FGF17: variants seen among roughly 807,000 people sequenced by gnomAD.
FGF17 encodes the protein fibroblast growth factor 17.
FGF17 carries 5 observed loss-of-function variants against 23.5 expected under a neutral mutation model. The ratio of observed to expected loss-of-function variants is 0.21; its 90% confidence interval spans 0.11 to 0.45. The LOEUF is 0.45. Among genes scored for constraint, FGF17 ranks in the 20% least tolerant of loss-of-function variants. The pLI, the probability that FGF17 is intolerant of heterozygous loss-of-function variation, is 0.99. For synonymous variants in FGF17, 136 were observed against 123.0 expected, an observed-to-expected ratio of 1.11 and a Z score of -0.70; for missense variants, 221 against 306.9, an observed-to-expected ratio of 0.72 and a Z score of 2.09.
At chr8:22,043,772 C>T (rs1333989922) in intron 2 of FGF17, among the ~76,000 whole-genome samples, 1 of 141,398 alleles carries the variant, frequency 7.1e-6, no homozygotes, top group Non-Finnish European at 1.5e-5. Context: ...TCCCTCCATG[C>T]ACACCTCCCA....
intron 3 of FGF17, 62 bp from the exon 4 acceptor site, chr8:22,046,465 T>G: frequency 1.4e-6 from 2 of 1,477,050 alleles, no homozygotes; most frequent in Non-Finnish European, 9.4e-7. Flanking sequence ...GGTGGTCCCC[T>G]GCTGTAGCCA....
In FGF17 at chr8:22,048,508, G is replaced by C. The variant is rs1280766567; in HGVS notation, c.*259G>C. ...CCCTGATCTCAGGCCACCAGCCTCT[G>C]CCGGCCTCCCAGCCGGGCTCCTGAA... On this transcript the variant is annotated 3_prime_UTR_variant, in exon 5 of 5. Transcript: ENST00000359441. The surrounding 1 kb of genome is among the most constrained non-coding windows in gnomAD (Gnocchi z 6.9). 2.0e-6 allele frequency: 1 copy of C among 499,888 alleles called. No individual in the cohort carries two copies. The highest frequency in any genetic ancestry group is 2.0e-5 in the African/African-American group (1 of 51,164). The allele number at this position is 499,888 out of a possible 1,614,324, so 31.0% of individuals were successfully genotyped here.
intron 2 of FGF17, chr8:22,044,549 C>G (rs1046299696): frequency 3.0e-6 from 1 of 329,626 alleles, no homozygotes; most frequent in African/African-American, 2.2e-5. Flanking sequence ...AGGAGGCCGT[C>G]GGCCAAGAGG....
At chr8:22,044,781 G>A in intron 2 of FGF17, 2 of 985,488 alleles carry the variant, frequency 2.0e-6, no homozygotes, top group Non-Finnish European at 2.4e-6. Flanking sequence ...CCCCGCGCAG[G>A]TTAAATGTCC....
At chr8:22,044,271 A>T (rs1464344709) in intron 2 of FGF17, among the ~76,000 whole-genome samples, 1 of 151,054 alleles carries the variant, frequency 6.6e-6, no homozygotes, top group Non-Finnish European at 1.5e-5. Context: ...GTGCCCCCTC[A>T]CCCCCCTGGG....
chr8:22,042,742 C>T (rs562116390), upstream of FGF17: 104 of 620,456 alleles, frequency 1.7e-4, 1 homozygote, highest in African/African-American at 1.7e-3. Flanking sequence ...CCCAATTACG[C>T]CCTCCTCCTC....
chr8:22,044,884 C>T, intron 2 of FGF17: 6 of 985,486 alleles, frequency 6.1e-6, no homozygotes, highest in Non-Finnish European at 7.2e-6. Flanking sequence ...AGATGCTAAT[C>T]TGGGTCTAGC....
upstream of FGF17, among the ~76,000 whole-genome samples, chr8:22,039,953 G>T (rs997018900): frequency 3.9e-5 from 6 of 152,104 alleles, no homozygotes; most frequent in African/African-American, 1.4e-4. Flanking sequence ...CAGCTGGGGG[G>T]TGTTGAACTT....
In FGF17 at chr8:22,048,037, G is replaced by A. The variant is rs759167317; in HGVS notation, c.439G>A (p.Glu147Lys). 1.7e-5 allele frequency: 27 copies of A among 1,613,058 alleles called. No individual in the cohort carries two copies. The highest frequency in any genetic ancestry group is 2.7e-5 in the African/African-American group (2 of 74,938). ...NYTAFQNARH[E>K]GWFMAFTRQG... is the part of the protein sequence containing the mutation. ...TACGGCCTTCCAGAACGCCCGGCAC[G>A]AGGGCTGGTTCATGGCCTTCACGCG... Residue 147 changes from glutamate (E) to lysine (K), a missense_variant, in exon 5 of 5, where the codon GAG becomes AAG. By Grantham distance (56) the Glu-to-Lys change is moderately conservative (BLOSUM62 1). This residue lies in a region of FGF17 where 128 missense variants were observed against 150.4 expected (regional missense o/e 0.85). Transcript: ENST00000359441. The surrounding 1 kb of genome is among the most constrained non-coding windows in gnomAD (Gnocchi z 6.9).
rs117539228 is a variant in FGF17, at chr8:22,044,062, C to T, written c.72+881C>T. Among the ~76,000 whole-genome samples the T allele has an allele frequency of 7.8e-3, 1,179 of 151,958 alleles. 9 individuals carry two copies. Among genetic ancestry groups the T allele is most frequent in the Non-Finnish European group, 0.012 (820 of 67,880 alleles). ...TTCCTTCCCCCTTTTGCTCCAGCCC[C>T]GTTCCAGGCCTTTTGCTTCACACAT... On this transcript the variant is annotated intron_variant, in intron 2 of 4. Coordinates refer to ENST00000359441, the MANE Select transcript of FGF17 (RefSeq NM_003867.4).
In FGF17 at chr8:22,046,646, G is replaced by C. The variant is rs1381174149; in HGVS notation, c.357+13G>C. On this transcript the variant is annotated intron_variant, in intron 4 of 4. Coordinates refer to ENST00000359441, the MANE Select transcript of FGF17 (RefSeq NM_003867.4). ...GCTCATCGGGAAGGTGAGGCTGGGA[G>C]ACTGGGAAGTAACAGAGAATCAGCC... The C allele has an allele frequency of 6.3e-7, 1 of 1,578,328 alleles. No homozygotes were observed.
At chr8:22,040,001 C>T (rs1800714967), upstream of FGF17, among the ~76,000 whole-genome samples, 1 of 152,134 alleles carries the variant, frequency 6.6e-6, no homozygotes, top group Non-Finnish European at 1.5e-5. Flanking sequence ...GCAGCCCAGG[C>T]TACTTCTCAG....
chr8:22,045,930 G>A (rs1800855355), intron 2 of FGF17, 184 bp from the exon 3 acceptor site: 1 of 1,504,796 alleles, frequency 6.6e-7, no homozygotes, highest in South Asian at 1.3e-5. Flanking sequence ...TAGACGCAAA[G>A]CAAAGAGGTT....
upstream of FGF17, among the ~76,000 whole-genome samples, chr8:22,040,181 A>G (rs1252806633): frequency 6.6e-6 from 1 of 152,260 alleles, no homozygotes. Context: ...TTCTTGTGGC[A>G]CTTGATGCGT....
In FGF17 at chr8:22,048,722, G is replaced by A. The variant is rs1202886714; in HGVS notation, c.*473G>A. On this transcript the variant is annotated 3_prime_UTR_variant, in exon 5 of 5. Coordinates refer to ENST00000359441, the MANE Select transcript of FGF17 (RefSeq NM_003867.4). This position sits in a 1 kb window ranked among gnomAD's most constrained non-coding sequence, Gnocchi z 6.9. ...AAAGAAAGGGAGAGAGAGGAAAATA[G>A]AGGGTTGTCCACTCCTCACATTCCA... The A allele has an allele frequency of 1.2e-5, 2 of 167,972 alleles. No individual in the cohort carries two copies. Among genetic ancestry groups the A allele is most frequent in the Non-Finnish European group, 2.5e-5 (2 of 78,452 alleles). 10.4% of individuals were successfully genotyped at this position (167,972 alleles called of 1,614,324 possible). A position where few individuals can be genotyped will look rare whatever the true frequency, so the allele number is the denominator to read the frequency against.
At chr8:22,047,021 A>C (rs1485936014) in intron 4 of FGF17, among the ~76,000 whole-genome samples, 1 of 144,344 alleles carries the variant, frequency 6.9e-6, no homozygotes, top group Non-Finnish European at 1.5e-5. Flanking sequence ...TCACGGGCTA[A>C]AGCGATCCTC....
intron 3 of FGF17, 81 bp from the exon 4 acceptor site, chr8:22,046,446 G>A (rs1800868728): frequency 7.0e-7 from 1 of 1,422,328 alleles, no homozygotes; most frequent in Non-Finnish European, 9.8e-7. Context: ...CTGGAGGTCA[G>A]TGTGGCTGGG....
intron 2 of FGF17, chr8:22,045,072 C>G (rs1410131677): frequency 1.1e-5 from 11 of 985,502 alleles, no homozygotes; most frequent in East Asian, 1.1e-4. Context: ...AAACCTAGCC[C>G]GGGTCGCACC....
Position 22,046,236 on chromosome 8 carries a change from C to A in FGF17, c.195C>A (p.His65Gln), listed in dbSNP as rs34862316. Reference protein sequence around the residue: ...YQLYSRTSGKHVQVTGRRISA... With the variant: ...YQLYSRTSGKQVQVTGRRISA... The stretch of plus-strand genomic sequence containing the variant: ...TCTACAGCAGGACCAGTGGCAAGCA[C>A]GTGCAGGTCACCGGGCGTCGCATCT... The change falls in exon 3 of 5, where the codon CAC becomes CAA. Residue 65 changes from histidine (H) to glutamine (Q), a missense_variant. By Grantham distance (24) the His-to-Gln change is conservative. This residue lies in a region of FGF17 where 58 missense variants were observed against 121.0 expected (regional missense o/e 0.48). Coordinates refer to ENST00000359441, the MANE Select transcript of FGF17 (RefSeq NM_003867.4). 10 of 1,613,900 alleles carry A rather than the reference C, an allele frequency of 6.2e-6. No individual in the cohort carries two copies. Among genetic ancestry groups the A allele is most frequent in the Admixed American group, 1.7e-5 (1 of 60,012 alleles).
Sources: gnomAD v4.1 joint callset for allele counts (sites outside exome capture counted in the v4.1 genomes callset) on GRCh38, gnomAD v4.1.1 for gene constraint, gnomAD v4.1.1 regional missense constraint, Gnocchi (gnomAD v3.1) non-coding constraint, MANE v1.5 for transcripts, NCBI Gene and HGNC (gene_info 2026-07-23, HGNC 2026-07-21) for gene names.